ZBTB20: variants seen among roughly 807,000 people sequenced by gnomAD.
ZBTB20 encodes zinc finger and BTB domain containing 20, also known as zinc finger and BTB domain-containing protein 20.
ZBTB20 carries 9 observed loss-of-function variants against 56.9 expected under a neutral mutation model. The ratio of observed to expected loss-of-function variants is 0.16; its 90% CI spans 0.10 to 0.28. ZBTB20 has a LOEUF of 0.28. Ranked by LOEUF, ZBTB20 falls within the 10% of genes least tolerant of loss-of-function variation. ZBTB20 has a pLI of 1.00. For missense variants in ZBTB20, 655 were observed against 1,003.0 expected, an observed-to-expected ratio of 0.65 and a Z score of 4.69; for synonymous variants, 417 against 420.7, an observed-to-expected ratio of 0.99 and a Z score of 0.11.
At chr3:114,786,837 C>G (rs1051980668) in intron 5 of ZBTB20, among the ~76,000 whole-genome samples, 1 of 151,944 alleles carries the variant, frequency 6.6e-6, no homozygotes, top group Non-Finnish European at 1.5e-5. Flanking sequence ...TTATACATTG[C>G]CAGTGGGAAT....
chr3:114,993,458 A>G (rs2078901960), intron 2 of ZBTB20, among the ~76,000 whole-genome samples: 1 of 151,880 alleles, frequency 6.6e-6, no homozygotes, highest in African/African-American at 2.4e-5. Flanking sequence ...CACCTTTTGA[A>G]AATTGCACAT....
intron 3 of ZBTB20, among the ~76,000 whole-genome samples, chr3:114,973,453 G>C (rs1329778523): frequency 6.6e-6 from 1 of 151,978 alleles, no homozygotes; most frequent in African/African-American, 2.4e-5. Flanking sequence ...GGGGCTGGCT[G>C]GTTTTTAAAA....
chr3:114,316,590 G>T lies in ZBTB20; in HGVS notation c.*22415C>A, dbSNP rs776921904. 11 of 533,310 alleles carry T rather than the reference G, an allele frequency of 2.1e-5. No individual in the cohort carries two copies. In the East Asian group the frequency reaches 6.0e-4, roughly 29 times the overall value. 33.0% of individuals were successfully genotyped at this position (533,310 alleles called of 1,614,324 possible). A position where few individuals can be genotyped will look rare whatever the true frequency, so the allele number is the denominator to read the frequency against. On this transcript the variant is annotated 3_prime_UTR_variant, in exon 12 of 12. Transcript: ENST00000675478. ...ATATCGTTTCAACTGGAGATAAACTGAACTGGGTTCAGACACTAGCACATG... is the reference window on the plus strand; with the variant it reads ...ATATCGTTTCAACTGGAGATAAACTTAACTGGGTTCAGACACTAGCACATG...
chr3:114,662,174 G>A (rs1303031596), intron 6 of ZBTB20, among the ~76,000 whole-genome samples: 32 of 151,208 alleles, frequency 2.1e-4, no homozygotes, highest in African/African-American at 4.9e-5. Context: ...TTGTTCTTGC[G>A]ATAGTTTACT....
rs1433434685 is a variant in ZBTB20 at position 114,787,368 on chromosome 3, T to TATACACACATACAC, written c.-343+13732_-343+13733insGTGTATGTGTGTAT. On this transcript the variant is annotated intron_variant, in intron 5 of 11. Coordinates refer to ENST00000675478, the MANE Select transcript of ZBTB20 (RefSeq NM_001348800.3). The stretch of plus-strand genomic sequence containing the variant: ...ATATATATATATATATATATATATA[T>TATACACACATACAC]ACACACACACACACACACACACACA... Among the ~76,000 whole-genome samples the TATACACACATACAC allele has an allele frequency of 5.6e-5, 6 of 106,332 alleles. 1 individual carries two copies. Among genetic ancestry groups the TATACACACATACAC allele is most frequent in the African/African-American group, 2.7e-4 (6 of 22,028 alleles). 69.8% of individuals were successfully genotyped at this position (106,332 alleles called of 152,430 possible).
intron 2 of ZBTB20, among the ~76,000 whole-genome samples, chr3:115,016,880 C>A (rs186761012): frequency 1.7e-4 from 26 of 151,592 alleles, no homozygotes; most frequent in African/African-American, 6.3e-4. Flanking sequence ...AAAGAACATA[C>A]CTCAAAATAG....
intron 10 of ZBTB20, among the ~76,000 whole-genome samples, chr3:114,362,390 G>C (rs2081980638): frequency 6.6e-6 from 1 of 152,112 alleles, no homozygotes; most frequent in Non-Finnish European, 1.5e-5. Context: ...ATAATGTGTG[G>C]GTTCTATGTG....
intron 7 of ZBTB20, among the ~76,000 whole-genome samples, chr3:114,492,525 A>G (rs2042860979): frequency 6.6e-6 from 1 of 152,082 alleles, no homozygotes; most frequent in Non-Finnish European, 1.5e-5. Flanking sequence ...GGAATATTTT[A>G]CTTCTGAATT....
At chr3:115,059,460 T>C (rs559774075) in intron 2 of ZBTB20, among the ~76,000 whole-genome samples, 62 of 152,336 alleles carry the variant, frequency 4.1e-4, no homozygotes, top group African/African-American at 1.3e-3. Context: ...GTCTCCACTT[T>C]GGCTGAACAA....
intron 8 of ZBTB20, 122 bp downstream of exon 8, chr3:114,388,883 C>G (rs1298857503): frequency 6.6e-6 from 1 of 152,366 alleles, no homozygotes; most frequent in African/African-American, 2.4e-5. Context: ...TCTGGTTACC[C>G]TGCTGATCCA....
At chr3:114,478,464 C>T (rs145018694) in intron 7 of ZBTB20, among the ~76,000 whole-genome samples, 59 of 152,314 alleles carry the variant, frequency 3.9e-4, no homozygotes, top group African/African-American at 1.3e-3. Context: ...TACTCCATAA[C>T]AAGCTGCTCT....
chr3:114,647,238 G>A (rs1165706666), intron 6 of ZBTB20, among the ~76,000 whole-genome samples: 4 of 152,136 alleles, frequency 2.6e-5, no homozygotes, highest in Non-Finnish European at 4.4e-5. Context: ...GATTACAGGC[G>A]TGAGCCACCA....
chr3:115,103,162 T>G (rs543043098), intron 1 of ZBTB20: 1 of 152,268 alleles, frequency 6.6e-6, no homozygotes, highest in Admixed American at 6.5e-5. Context: ...TTGACTACCA[T>G]ACTATGGAAG....
At position 114,324,541 on chromosome 3, in the gene ZBTB20, T is replaced by C. The variant is rs1002527591; in HGVS notation, c.*14464A>G. ...ACATAAATACAGATATACATACACA[T>C]ACACAGAAATTCTCAAGGCCCCTCT... On this transcript the variant is annotated 3_prime_UTR_variant, in exon 12 of 12. Transcript: ENST00000675478. 6.6e-6 allele frequency: 1 copy of C among 151,938 alleles called. No homozygotes were observed. The highest frequency in any genetic ancestry group is 1.5e-5 in the Non-Finnish European group (1 of 67,972). 9.4% of individuals were successfully genotyped at this position (151,938 alleles called of 1,614,324 possible). A position where few individuals can be genotyped will look rare whatever the true frequency, so the allele number is the denominator to read the frequency against.
intron 1 of ZBTB20, among the ~76,000 whole-genome samples, chr3:115,103,594 A>G (rs2083642285): frequency 6.6e-6 from 1 of 152,212 alleles, no homozygotes. Context: ...AAGCAATACA[A>G]TGGAGCAAAG....
At chr3:114,777,974 T>A (rs893187408) in intron 5 of ZBTB20, among the ~76,000 whole-genome samples, 56 of 151,034 alleles carry the variant, frequency 3.7e-4, no homozygotes, top group African/African-American at 1.3e-3. Flanking sequence ...AAACCATCAT[T>A]CTCAGCAAAC....
At chr3:114,863,180 T>C (rs1254329280) in intron 4 of ZBTB20, among the ~76,000 whole-genome samples, 4 of 152,148 alleles carry the variant, frequency 2.6e-5, no homozygotes, top group African/African-American at 9.6e-5. Context: ...AAAGTAAGTA[T>C]ACTGATTAAT....
At chr3:114,654,698 A>G (rs1213648294) in intron 6 of ZBTB20, among the ~76,000 whole-genome samples, 1 of 152,140 alleles carries the variant, frequency 6.6e-6, no homozygotes, top group Non-Finnish European at 1.5e-5. Context: ...AAGGCAGTTG[A>G]TGGTGTTTTT....
intron 4 of ZBTB20, among the ~76,000 whole-genome samples, chr3:114,832,377 T>C (rs1361879086): frequency 6.6e-6 from 1 of 152,054 alleles, no homozygotes; most frequent in Non-Finnish European, 1.5e-5. Context: ...TTATTATGAC[T>C]TAGTATGCCA....
Sources: allele counts gnomAD v4.1 joint callset (sites outside exome capture counted in the v4.1 genomes callset), GRCh38; gene constraint gnomAD v4.1.1; transcripts MANE v1.5; gene names NCBI Gene and HGNC (gene_info 2026-07-23, HGNC 2026-07-21).